TEC: variants seen among roughly 807,000 people sequenced by gnomAD.
TEC encodes tec protein tyrosine kinase.
In TEC, 72 loss-of-function variants were observed where a neutral mutation model predicts 93.0. That is an observed-to-expected ratio of 0.77 (90% CI 0.64 to 0.94). The LOEUF (loss-of-function observed/expected upper bound fraction) is 0.94. TEC is among the 40% of genes least tolerant of loss of function. The probability of loss-of-function intolerance (pLI) is 0.00; values close to 1 mark genes in which losing one functional copy is unlikely to be tolerated. For missense variants in TEC, 630 were observed against 757.9 expected, an observed-to-expected ratio of 0.83 and a Z score of 1.98; for synonymous variants, 249 against 247.7, an observed-to-expected ratio of 1.01 and a Z score of -0.05.
chr4:48,176,047 C>T (rs45598338), intron 3 of TEC, 35 bp downstream of exon 3: 7 of 1,508,532 alleles, frequency 4.6e-6, no homozygotes, highest in Non-Finnish European at 6.4e-6. Flanking sequence ...TGACTAAGCC[C>T]AGCACTGCAC....
chr4:48,145,528 C>T lies in TEC; in HGVS notation c.1133G>A (p.Ser378Asn), dbSNP rs767529253. 13 of 1,614,080 alleles carry T rather than the reference C, an allele frequency of 8.1e-6. 1 individual carries two copies. Among genetic ancestry groups the T allele is most frequent in the Non-Finnish European group, 1.1e-5 (13 of 1,180,048 alleles). ...SELTFMRELGSGLFGVVRLGK... is the reference protein window; with the variant it reads ...SELTFMRELGNGLFGVVRLGK... ...AAGCCTCACCACTCCAAACAGTCCA[C>T]TTCCCAATTCCCTCATAAAGGTCAG... Residue 378 changes from serine to asparagine, a missense_variant, in exon 13 of 18, where the codon AGT (serine) becomes AAT (asparagine). This residue lies in a region of TEC where 289 missense variants were observed against 390.0 expected (regional missense o/e 0.74). Transcript: ENST00000381501.
intron 4 of TEC, 137 bp from the exon 5 acceptor site, chr4:48,170,513 A>C: frequency 1.7e-6 from 1 of 571,610 alleles, no homozygotes; most frequent in Non-Finnish European, 2.9e-6. Flanking sequence ...CACAGGACTC[A>C]GCATTCAGAA....
intron 9 of TEC, among the ~76,000 whole-genome samples, chr4:48,151,668 G>A (rs867252476): frequency 6.6e-6 from 1 of 152,180 alleles, no homozygotes; most frequent in Non-Finnish European, 1.5e-5. Flanking sequence ...TGTATTTTCA[G>A]TAGAGCCGGG....
intron 2 of TEC, among the ~76,000 whole-genome samples, chr4:48,224,693 G>A (rs1312207586): frequency 6.6e-6 from 1 of 152,214 alleles, no homozygotes; most frequent in Admixed American, 6.5e-5. Flanking sequence ...AGCGGAAACT[G>A]AAATGCAAGT....
chr4:48,211,409 CA>C (rs974014773), intron 2 of TEC, among the ~76,000 whole-genome samples: 2 of 91,894 alleles, frequency 2.2e-5, no homozygotes, highest in Admixed American at 1.2e-4. Context: ...CTCTGAGGTT[CA>C]AAAAAAATTT....
chr4:48,171,725 T>A (rs991049864), intron 3 of TEC, among the ~76,000 whole-genome samples: 33 of 152,216 alleles, frequency 2.2e-4, no homozygotes, highest in Admixed American at 1.9e-3. Context: ...TTTCTTTCAA[T>A]CCAATTAACT....
At position 48,145,529 on chromosome 4, in the gene TEC, T is replaced by C. The variant is rs140868704; in HGVS notation, c.1132A>G (p.Ser378Gly). 449 of 1,614,034 alleles carry C rather than the reference T, an allele frequency of 2.8e-4. 1 individual carries two copies. The highest frequency in any genetic ancestry group is 3.6e-4 in the Non-Finnish European group (425 of 1,180,034). Residue 378 changes from serine (S) to glycine (G), a missense_variant, in exon 13 of 18, where the codon AGT (serine) becomes GGT (glycine). This residue lies in a region of TEC where 289 missense variants were observed against 390.0 expected (regional missense o/e 0.74). Coordinates refer to ENST00000381501, the MANE Select transcript of TEC (RefSeq NM_003215.3). ...AGCCTCACCACTCCAAACAGTCCAC[T>C]TCCCAATTCCCTCATAAAGGTCAGT... ...SELTFMRELG[S>G]GLFGVVRLGK...
At chr4:48,170,557 T>TG (rs1331351424) in intron 4 of TEC, among the ~76,000 whole-genome samples, 181 bp from the exon 5 acceptor site, 2 of 152,232 alleles carry the variant, frequency 1.3e-5, no homozygotes, top group Non-Finnish European at 2.9e-5. Flanking sequence ...TCTTCTTTTT[T>TG]TGTGTGTGAA....
At chr4:48,173,138 T>C (rs1280880588) in intron 3 of TEC, among the ~76,000 whole-genome samples, 1 of 152,148 alleles carries the variant, frequency 6.6e-6, no homozygotes, top group Non-Finnish European at 1.5e-5. Context: ...TTAAGTCATA[T>C]GAGTAGGATA....
At chr4:48,159,731 G>A (rs1467245600) in intron 8 of TEC, among the ~76,000 whole-genome samples, 1 of 152,056 alleles carries the variant, frequency 6.6e-6, no homozygotes. Context: ...TGTATTTTTA[G>A]TAGAAATGGG....
In TEC at chr4:48,266,358, T is replaced by C. The variant is rs1430176427; in HGVS notation, c.-46+3394A>G. Among the ~76,000 whole-genome samples, 8 of 152,232 alleles carry C rather than the reference T, an allele frequency of 5.3e-5. No individual in the cohort carries two copies. In the East Asian group the frequency reaches 9.6e-4, roughly 18 times the overall value. ...ACCCTTGGGGTGACAAGTGTGCCAA[T>C]GTACCAAAGGCACCCAGTCTGGATT... On this transcript the variant is annotated intron_variant, in intron 1 of 17. Coordinates refer to ENST00000381501, the MANE Select transcript of TEC (RefSeq NM_003215.3).
chr4:48,255,154 G>A (rs1432583733), intron 1 of TEC, among the ~76,000 whole-genome samples: 2 of 152,192 alleles, frequency 1.3e-5, no homozygotes, highest in Admixed American at 6.5e-5. Context: ...GCTGACTCCT[G>A]CACTTCAAAC....
chr4:48,212,106 A>ATATATAT (rs1246350722), intron 2 of TEC, among the ~76,000 whole-genome samples: 1 of 88,724 alleles, frequency 1.1e-5, no homozygotes, highest in Admixed American at 1.4e-4. Flanking sequence ...CTCAAAAAAA[A>ATATATAT]AAAAATATAT....
intron 2 of TEC, 74 bp from the exon 3 acceptor site, chr4:48,176,260 AT>A (rs1721320767): frequency 8.6e-7 from 1 of 1,163,966 alleles, no homozygotes; most frequent in African/African-American, 1.5e-5. Flanking sequence ...TGTTAAGGAA[AT>A]TTTGCTCTGA....
intron 1 of TEC, among the ~76,000 whole-genome samples, chr4:48,240,498 G>A (rs1158510578): frequency 6.6e-6 from 1 of 152,078 alleles, no homozygotes; most frequent in Admixed American, 6.5e-5. Flanking sequence ...GCAGAGCCTT[G>A]TGCTAATGTA....
At position 48,246,663 on chromosome 4, in the gene TEC, C is replaced by T. The variant is rs137914540; in HGVS notation, c.-45-18004G>A. Among the ~76,000 whole-genome samples the T allele has an allele frequency of 1.3e-4, 20 of 152,028 alleles. No homozygotes were observed. The East Asian group carries it at 2.7e-3, about 21-fold the overall frequency. On this transcript the variant is annotated intron_variant, in intron 1 of 17. Transcript: ENST00000381501. ...ACCAAGATGTCAAGACCATCCAATG[C>T]GGAAAGAAAAATATTTTCAACAATG...
intron 2 of TEC, among the ~76,000 whole-genome samples, chr4:48,203,849 T>A (rs1722613406): frequency 6.6e-6 from 1 of 152,096 alleles, no homozygotes; most frequent in Non-Finnish European, 1.5e-5. Context: ...CAGAGAAACT[T>A]GCAAGCACAG....
chr4:48,206,510 G>C (rs1247441540), intron 2 of TEC, among the ~76,000 whole-genome samples: 1 of 152,044 alleles, frequency 6.6e-6, no homozygotes, highest in South Asian at 2.1e-4. Flanking sequence ...TAGGTATTTC[G>C]ATAGAGACTA....
chr4:48,188,781 C>T (rs1721988221), intron 2 of TEC, among the ~76,000 whole-genome samples: 1 of 152,100 alleles, frequency 6.6e-6, no homozygotes, highest in South Asian at 2.1e-4. Flanking sequence ...AAAAGGAATT[C>T]TTTTTAATAG....
Sources: allele counts gnomAD v4.1 joint callset (sites outside exome capture counted in the v4.1 genomes callset), GRCh38; gene constraint gnomAD v4.1.1; regional missense constraint gnomAD v4.1.1; transcripts MANE v1.5; gene names NCBI Gene and HGNC (gene_info 2026-07-23, HGNC 2026-07-21).